Variants in DAO observed in about 807,000 individuals in gnomAD.
DAO encodes the protein D-amino-acid oxidase.
Under a neutral mutation model 50.1 loss-of-function variants are expected in DAO, and 51 were observed. That is an observed-to-expected ratio of 1.02 (90% CI 0.81 to 1.29). DAO has a LOEUF of 1.29. Among genes scored for constraint, DAO ranks in the 50% most tolerant of loss-of-function variants. The pLI is 0.00. For synonymous variants in DAO, 160 were observed against 166.2 expected (o/e 0.96, Z 0.29); for missense variants, 436 against 439.4 (o/e 0.99, Z 0.07).
At chr12:108,888,776 T>G (rs141609697) in intron 3 of DAO, among the ~76,000 whole-genome samples, 2 of 152,288 alleles carry the variant, frequency 1.3e-5, no homozygotes, top group East Asian at 1.9e-4. Flanking sequence ...CCCCGGGGAC[T>G]CTCACTGTTT....
rs66697500 is a variant in DAO at position 108,881,162 on chromosome 12, TCACACA to T, written c.-10+969_-10+974del. ...CTCCACACTTACACAGACATTCTAA[TCACACA>T]CACACACACACACACACACACACAC... On this transcript the variant is annotated intron_variant, in intron 1 of 10. Coordinates refer to ENST00000228476, the MANE Select transcript of DAO (RefSeq NM_001917.5). 7.2e-3 allele frequency among the ~76,000 whole-genome samples: 1,004 copies of T among 139,312 alleles called. 8 individuals carry two copies. The highest frequency in any genetic ancestry group is 9.3e-3 in the Non-Finnish European group (607 of 64,966). 91.4% of individuals were successfully genotyped at this position (139,312 alleles called of 152,430 possible).
intron 1 of DAO, among the ~76,000 whole-genome samples, chr12:108,884,684 G>T (rs1241387807): frequency 6.6e-6 from 1 of 152,094 alleles, no homozygotes; most frequent in Non-Finnish European, 1.5e-5. Flanking sequence ...ACAGTTGGTC[G>T]TGCCCTCTGC....
At chr12:108,892,631 CT>C (rs532258936) in intron 5 of DAO, among the ~76,000 whole-genome samples, 46 of 152,300 alleles carry the variant, frequency 3.0e-4, no homozygotes, top group Admixed American at 9.8e-4. Context: ...ATCGCCTTTG[CT>C]GTTACAAAGC....
intron 1 of DAO, among the ~76,000 whole-genome samples, chr12:108,884,775 T>A (rs1388117073): frequency 2.6e-5 from 4 of 152,176 alleles, no homozygotes; most frequent in Non-Finnish European, 5.9e-5. Flanking sequence ...ACCAGCCGTG[T>A]GACTGTGGCC....
rs2039539725 is a variant in DAO, at chr12:108,895,413, ATG to A, written c.612+1053_612+1054del. Among the ~76,000 whole-genome samples, 3 of 128,550 alleles carry A rather than the reference ATG, an allele frequency of 2.3e-5. No individual in the cohort carries two copies. In the Admixed American group the frequency reaches 2.4e-4, roughly 10 times the overall value. The allele number at this position is 128,550 out of a possible 152,430, so 84.3% of individuals were successfully genotyped here. The stretch of plus-strand genomic sequence containing the variant: ...TGCACATATGTGAGGGTGTGTGTGC[ATG>A]TGTGTGAGGGTGTGTGCATATGTGT... On this transcript the variant is annotated intron_variant, in intron 7 of 10. Coordinates refer to ENST00000228476, the MANE Select transcript of DAO (RefSeq NM_001917.5).
In DAO at chr12:108,882,129, T is replaced by C. The variant is rs538609388; in HGVS notation, c.-10+1905T>C. Among the ~76,000 whole-genome samples the C allele has an allele frequency of 2.6e-5, 4 of 152,302 alleles. No individual in the cohort carries two copies. The East Asian group carries it at 7.7e-4, about 29-fold the overall frequency. ...CCTAGGCTTATGAGTCAGGCTGGCC[T>C]GGGCTCTGCCTCTCACCACCTGGGT... On this transcript the variant is annotated intron_variant, in intron 1 of 10. Coordinates refer to ENST00000228476, the MANE Select transcript of DAO (RefSeq NM_001917.5).
rs1312377176 is a variant in DAO at position 108,898,693 on chromosome 12, C to T, written c.710C>T (p.Thr237Ile). Residue 237 changes from threonine to isoleucine, a missense_variant, in exon 9 of 11, where the codon ACT becomes ATT. By Grantham distance (89) the Thr-to-Ile change is moderately conservative (BLOSUM62 -1). Coordinates refer to ENST00000228476, the MANE Select transcript of DAO (RefSeq NM_001917.5). ...PYIIPGTQTV[T>I]LGGIFQLGNW... ...TTTGTATCTAGGACCCAGACAGTTA[C>T]TCTTGGAGGCATCTTCCAGTTGGGA... 1 of 1,612,080 alleles carries T rather than the reference C, an allele frequency of 6.2e-7. No individual in the cohort carries two copies. Among genetic ancestry groups the T allele is most frequent in the Non-Finnish European group, 8.5e-7 (1 of 1,178,142 alleles).
At chr12:108,889,180 A>C (rs530370960) in intron 3 of DAO, among the ~76,000 whole-genome samples, 7 of 151,386 alleles carry the variant, frequency 4.6e-5, no homozygotes, top group African/African-American at 1.7e-4. Context: ...ATTTCGGCTT[A>C]CTGCAACCTC....
chr12:108,896,440 A>T (rs1310136210), intron 7 of DAO, among the ~76,000 whole-genome samples: 2 of 151,410 alleles, frequency 1.3e-5, no homozygotes, highest in Admixed American at 6.6e-5. Context: ...AAAAAAAAAA[A>T]AATTGAAGGT....
chr12:108,881,635 A>C (rs2039382954), intron 1 of DAO, among the ~76,000 whole-genome samples: 2 of 107,060 alleles, frequency 1.9e-5, no homozygotes, highest in Non-Finnish European at 3.5e-5. Flanking sequence ...ACAGAGTTTC[A>C]CTCTTGTCAC....
chr12:108,890,114 A>G (rs1371743123), intron 4 of DAO, 94 bp from the exon 5 acceptor site: 5 of 1,106,230 alleles, frequency 4.5e-6, no homozygotes, highest in Non-Finnish European at 6.9e-6. Flanking sequence ...CTTTGGGCCC[A>G]CAGAACAACA....
At chr12:108,899,543 A>G in intron 10 of DAO, 68 bp downstream of exon 10, 3 of 1,373,914 alleles carry the variant, frequency 2.2e-6, no homozygotes, top group African/African-American at 1.4e-5. Context: ...ATTTTCAGGG[A>G]ACAGTCATGT....
chr12:108,881,697 C>G (rs1430872106), intron 1 of DAO, among the ~76,000 whole-genome samples: 1 of 150,654 alleles, frequency 6.6e-6, no homozygotes, highest in Non-Finnish European at 1.5e-5. Context: ...CTCCACCTCC[C>G]AGGTTCAAGG....
Position 108,894,894 on chromosome 12 carries a change from T to G in DAO, c.612+527T>G, listed in dbSNP as rs543503589. Among the ~76,000 whole-genome samples, 4 of 152,222 alleles carry G rather than the reference T, an allele frequency of 2.6e-5. No individual in the cohort carries two copies. In the East Asian group the frequency reaches 7.7e-4, roughly 29 times the overall value. On this transcript the variant is annotated intron_variant, in intron 7 of 10. Coordinates refer to ENST00000228476, the MANE Select transcript of DAO (RefSeq NM_001917.5). ...CCATGCTCAGCCAATTTTTTTATTT[T>G]TTGTAGAGAAAGGATTTCACCATAT...
intron 9 of DAO, 85 bp downstream of exon 9, chr12:108,898,881 C>T (rs555441164): frequency 5.9e-6 from 5 of 854,232 alleles, no homozygotes; most frequent in East Asian, 5.1e-5. Context: ...AAGATGCCAC[C>T]GCTGGGATAA....
At chr12:108,895,628 ATG>A (rs201211327) in intron 7 of DAO, among the ~76,000 whole-genome samples, 36 of 102,574 alleles carry the variant, frequency 3.5e-4, no homozygotes, top group African/African-American at 1.1e-3. Flanking sequence ...GTATGTATGC[ATG>A]TGTGTGAGGG....
rs1467636378 is a variant in DAO at position 108,898,789 on chromosome 12, C to T, written c.806C>T (p.Thr269Ile). Reference sequence around the variant, plus strand: ...GAAGGCTGCTGCAGACTGGAGCCCACACTGAAGGTAAGGTAGGGAGGAGTA... The same window carrying T: ...GAAGGCTGCTGCAGACTGGAGCCCATACTGAAGGTAAGGTAGGGAGGAGTA... ...IWEGCCRLEPTLKNARIIGER... is the reference protein window; with the variant it reads ...IWEGCCRLEPILKNARIIGER... Residue 269 changes from threonine to isoleucine, a missense_variant, in exon 9 of 11, where the codon ACA becomes ATA. Coordinates refer to ENST00000228476, the MANE Select transcript of DAO (RefSeq NM_001917.5). 2 of 1,611,922 alleles carry T rather than the reference C, an allele frequency of 1.2e-6. No individual in the cohort carries two copies. The highest frequency in any genetic ancestry group is 2.2e-5 in the East Asian group (1 of 44,868).
chr12:108,900,302 G>A (rs2039607652), intron 10 of DAO, 102 bp from the exon 11 acceptor site: 1 of 1,477,246 alleles, frequency 6.8e-7, no homozygotes, highest in South Asian at 1.1e-5. Flanking sequence ...CTTTGCCCAG[G>A]ACTCTTCGGG....
chr12:108,898,892 C>T (rs2039592050), intron 9 of DAO, 96 bp downstream of exon 9: 2 of 794,022 alleles, frequency 2.5e-6, no homozygotes, highest in South Asian at 1.4e-5. Context: ...GCTGGGATAA[C>T]TGGGCAAATT....
Sources: allele counts gnomAD v4.1 joint callset (sites outside exome capture counted in the v4.1 genomes callset), GRCh38; gene constraint gnomAD v4.1.1; transcripts MANE v1.5; gene names NCBI Gene and HGNC (gene_info 2026-07-23, HGNC 2026-07-21).